Variants in FZD3 observed in about 807,000 individuals in gnomAD.
FZD3 encodes the protein frizzled class receptor 3.
A neutral mutation model predicts 60.7 loss-of-function variants in FZD3; 30 were observed. That is an observed-to-expected ratio of 0.49 (90% CI 0.37 to 0.67). The LOEUF (loss-of-function observed/expected upper bound fraction) is 0.67, where lower values mean the gene tolerates loss of function less well. FZD3 is among the 30% of genes least tolerant of loss of function. FZD3 has a pLI of 0.00. For missense variants in FZD3, 605 were observed against 838.7 expected (o/e 0.72, Z 3.44); for synonymous variants, 246 against 275.2 (o/e 0.89, Z 1.05).
At position 28,554,852 on chromosome 8, in the gene FZD3, TAAC is replaced by T. The variant is rs568129946; in HGVS notation, c.1554-884_1554-882del. ...AATTTCTCAATATATGATCCAATCT[TAAC>T]ATGCTGGAGTTTTATTTTTGAAATG... On this transcript the variant is annotated intron_variant, in intron 6 of 7. Transcript: ENST00000240093. Among the ~76,000 whole-genome samples, 43 of 152,308 alleles carry T rather than the reference TAAC, an allele frequency of 2.8e-4. No individual in the cohort carries two copies. The South Asian group carries it at 7.5e-3, about 26-fold the overall frequency.
intron 3 of FZD3, among the ~76,000 whole-genome samples, chr8:28,519,961 GC>G (rs912375743): frequency 2.6e-5 from 4 of 152,014 alleles, no homozygotes; most frequent in Non-Finnish European, 5.9e-5. Context: ...TGTAATCCCG[GC>G]ACTTTGGGAG....
intron 5 of FZD3, among the ~76,000 whole-genome samples, chr8:28,539,737 A>T (rs889478171): frequency 1.3e-5 from 2 of 152,182 alleles, no homozygotes; most frequent in African/African-American, 4.8e-5. Flanking sequence ...TGCAATATGT[A>T]CTTCTATTAG....
In FZD3 at chr8:28,555,744, G is replaced by T; in HGVS notation, c.1560G>T (p.Val520=). The change falls in exon 7 of 8, where the codon GTG becomes GTT. Residue 520 remains valine (V), a synonymous_variant. Transcript: ENST00000240093. The part of the protein sequence containing the change: ...FFHGRRKKEI[V]NESRQVLQEP... Reference sequence around the variant, plus strand: ...TTACTATTTTGTTGTCTAGGATAGTGAATGAGAGCCGACAGGTACTCCAGG... The same window carrying T: ...TTACTATTTTGTTGTCTAGGATAGTTAATGAGAGCCGACAGGTACTCCAGG... 1.3e-6 allele frequency: 2 copies of T among 1,594,570 alleles called. No individual in the cohort carries two copies. Among genetic ancestry groups the T allele is most frequent in the South Asian group, 2.2e-5 (2 of 90,650 alleles).
At chr8:28,510,006 CAAAGTGTTTT>C (rs1804242304) in intron 3 of FZD3, among the ~76,000 whole-genome samples, 1 of 152,162 alleles carries the variant, frequency 6.6e-6, no homozygotes, top group Non-Finnish European at 1.5e-5. Context: ...GAAGAACTGT[CAAAGTGTTTT>C]CCATATGGTG....
At chr8:28,533,716 C>T (rs543288390) in intron 5 of FZD3, among the ~76,000 whole-genome samples, 1 of 152,214 alleles carries the variant, frequency 6.6e-6, no homozygotes, top group East Asian at 1.9e-4. Context: ...GTTTTTTACC[C>T]TAACATCTCA....
At chr8:28,562,739 G>A in intron 7 of FZD3, 59 bp from the exon 8 acceptor site, 1 of 996,460 alleles carries the variant, frequency 1.0e-6, no homozygotes, top group South Asian at 1.4e-5. Flanking sequence ...AAAATTATTA[G>A]TGTTATTATA....
chr8:28,557,224 A>AAG (rs3049838), intron 7 of FZD3, among the ~76,000 whole-genome samples: 68,459 of 131,486 alleles, frequency 0.52, 18,355 homozygotes, highest in East Asian at 0.6. Context: ...AAAAAAAAAA[A>AAG]AAGAAGAAGA....
chr8:28,501,751 A>G (rs1028350389), intron 2 of FZD3, among the ~76,000 whole-genome samples: 1 of 152,230 alleles, frequency 6.6e-6, no homozygotes, highest in Non-Finnish European at 1.5e-5. Context: ...TGTGGAAACA[A>G]TAACTGGGAA....
At chr8:28,495,048 T>G (rs1803806724) in intron 1 of FZD3, among the ~76,000 whole-genome samples, 1 of 152,246 alleles carries the variant, frequency 6.6e-6, no homozygotes, top group Admixed American at 6.5e-5. Flanking sequence ...GGTCCGCATC[T>G]GAAATGAAGC....
intron 5 of FZD3, among the ~76,000 whole-genome samples, chr8:28,541,850 C>T (rs182471670): frequency 1.4e-3 from 219 of 152,260 alleles, no homozygotes; most frequent in Non-Finnish European, 2.0e-3. Flanking sequence ...TCTTTGGACC[C>T]TCTCTTTCTC....
chr8:28,518,817 A>G (rs1215195540), intron 3 of FZD3, among the ~76,000 whole-genome samples: 1 of 152,212 alleles, frequency 6.6e-6, no homozygotes, highest in Non-Finnish European at 1.5e-5. Flanking sequence ...CGCCCAGTTC[A>G]ACAAATACCA....
intron 7 of FZD3, among the ~76,000 whole-genome samples, chr8:28,559,016 A>T (rs966356749): frequency 6.6e-6 from 1 of 152,228 alleles, no homozygotes. Flanking sequence ...AAGATAACAG[A>T]TGTAGAACTG....
chr8:28,551,084 C>CTAGATAGA (rs755601425), intron 5 of FZD3, among the ~76,000 whole-genome samples: 2 of 151,810 alleles, frequency 1.3e-5, no homozygotes, highest in African/African-American at 4.8e-5. Context: ...TATCATCTAT[C>CTAGATAGA]TAGATAGATA....
At chr8:28,517,132 T>C (rs996168086) in intron 3 of FZD3, among the ~76,000 whole-genome samples, 2 of 152,226 alleles carry the variant, frequency 1.3e-5, no homozygotes, top group Non-Finnish European at 2.9e-5. Context: ...TTTCTTTTAG[T>C]GCAGTTTGTT....
rs1340561096 is a variant in FZD3, at chr8:28,563,095, TCA to T, written c.*87_*88del. 2.6e-5 allele frequency: 23 copies of T among 873,810 alleles called. No individual in the cohort carries two copies. The East Asian group carries it at 5.6e-4, about 21-fold the overall frequency. The allele number at this position is 873,810 out of a possible 1,614,324, so 54.1% of individuals were successfully genotyped here. ...CTTTTGCATGACTGATAGCTGTAACTCACAGTTAACATGCTTTCAGTCAAGTA... is the reference window on the plus strand; with the variant it reads ...CTTTTGCATGACTGATAGCTGTAACTCAGTTAACATGCTTTCAGTCAAGTA... On this transcript the variant is annotated 3_prime_UTR_variant, in exon 8 of 8. Transcript: ENST00000240093.
In FZD3 at chr8:28,547,417, T is replaced by C. The variant is rs142851593; in HGVS notation, c.1405-4186T>C. On this transcript the variant is annotated intron_variant, in intron 5 of 7. Coordinates refer to ENST00000240093, the MANE Select transcript of FZD3 (RefSeq NM_017412.4). Reference sequence around the variant, plus strand: ...TAAATATATCTGTAGCATACATTTTTAAAATAGTTGCTTAATCAAAGGGTA... The same window carrying C: ...TAAATATATCTGTAGCATACATTTTCAAAATAGTTGCTTAATCAAAGGGTA... Among the ~76,000 whole-genome samples, 9 of 152,382 alleles carry C rather than the reference T, an allele frequency of 5.9e-5. No homozygotes were observed. The East Asian group carries it at 1.5e-3, about 26-fold the overall frequency.
chr8:28,547,019 A>G (rs1379013047), intron 5 of FZD3, among the ~76,000 whole-genome samples: 1 of 152,192 alleles, frequency 6.6e-6, no homozygotes, highest in East Asian at 1.9e-4. Context: ...AAGCTACGAA[A>G]GTATATGGGA....
chr8:28,540,677 G>C (rs938954918), intron 5 of FZD3, among the ~76,000 whole-genome samples: 14 of 152,126 alleles, frequency 9.2e-5, no homozygotes, highest in Non-Finnish European at 1.5e-4. Context: ...AAGTGTGGTG[G>C]CTTACACCTG....
chr8:28,527,109 A>C lies in FZD3; in HGVS notation c.387-38A>C. On this transcript the variant is annotated intron_variant, in intron 4 of 7. Transcript: ENST00000240093. This position sits in a 1 kb window ranked among gnomAD's most constrained non-coding sequence, Gnocchi z 5.0. The stretch of plus-strand genomic sequence containing the variant: ...CTGTTAGATCGTGATAGATTTCCCC[A>C]TAAGTAAAAATAGTTCTCATCTTGT... 2 of 1,532,942 alleles carry C rather than the reference A, an allele frequency of 1.3e-6. No homozygotes were observed. Among genetic ancestry groups the C allele is most frequent in the Non-Finnish European group, 1.8e-6 (2 of 1,132,118 alleles). The allele number at this position is 1,532,942 out of a possible 1,614,324, so 95.0% of individuals were successfully genotyped here.
Sources: allele counts gnomAD v4.1 joint callset (sites outside exome capture counted in the v4.1 genomes callset), GRCh38; gene constraint gnomAD v4.1.1; non-coding constraint Gnocchi (gnomAD v3.1); transcripts MANE v1.5; gene names NCBI Gene and HGNC (gene_info 2026-07-23, HGNC 2026-07-21).